The following SLC25A48 variants were observed in gnomAD, a reference collection of about 807,000 sequenced individuals.
SLC25A48 encodes solute carrier family 25 member 48, also known as CTC-321K16.1.
Under a neutral mutation model 32.2 loss-of-function variants are expected in SLC25A48, and 29 were observed. That is an observed-to-expected ratio of 0.90 (90% CI 0.67 to 1.23). SLC25A48 has a LOEUF of 1.23. Among genes scored for constraint, SLC25A48 ranks in the 50% most tolerant of loss-of-function variants. SLC25A48 has a pLI of 0.00. For missense variants in SLC25A48, 399 were observed against 422.7 expected (o/e 0.94, Z 0.49); for synonymous variants, 164 against 172.3 (o/e 0.95, Z 0.38).
chr5:135,596,826 A>C (rs1374268885), intron 1 of SLC25A48, among the ~76,000 whole-genome samples: 2 of 152,202 alleles, frequency 1.3e-5, no homozygotes, highest in Non-Finnish European at 2.9e-5. Flanking sequence ...GGTAGCCTCC[A>C]AATGACCACG....
rs539092159 is a variant in SLC25A48, at chr5:135,795,671, G to T, written c.-520-16852G>T. Among the ~76,000 whole-genome samples, 10 of 151,804 alleles carry T rather than the reference G, an allele frequency of 6.6e-5. No individual in the cohort carries two copies. The South Asian group carries it at 2.1e-3, about 32-fold the overall frequency. On this transcript the variant is annotated intron_variant, in intron 3 of 10. Coordinates refer to the SLC25A48 transcript ENST00000646290. ...TGTGATATGGTTCATAATATTCAGG[G>T]GGGTAGAGGGTGATATTACTCCCCA...
At chr5:135,779,726 A>G (rs1485009860) in intron 3 of SLC25A48, among the ~76,000 whole-genome samples, 1 of 117,596 alleles carries the variant, frequency 8.5e-6, no homozygotes, top group African/African-American at 2.6e-5. Context: ...AATAATATTA[A>G]TCCCAATATC....
intron 3 of SLC25A48, among the ~76,000 whole-genome samples, chr5:135,793,811 G>A (rs563836900): frequency 6.6e-6 from 1 of 150,946 alleles, no homozygotes; most frequent in South Asian, 2.1e-4. Context: ...TATCACAGTA[G>A]GTTTACGCCA....
At chr5:135,825,113 C>T (rs755953665) in intron 4 of SLC25A48, 7 of 152,214 alleles carry the variant, frequency 4.6e-5, no homozygotes, top group Non-Finnish European at 8.8e-5. Flanking sequence ...CATACAACCA[C>T]GTACCTAAAG....
At chr5:135,737,305 G>C (rs552049260) in intron 3 of SLC25A48, among the ~76,000 whole-genome samples, 6 of 152,250 alleles carry the variant, frequency 3.9e-5, no homozygotes, top group African/African-American at 1.4e-4. Flanking sequence ...GGTGCTCAGT[G>C]GGGGAGACTT....
chr5:135,698,257 T>C lies in SLC25A48; in HGVS notation c.-521+63301T>C, dbSNP rs139593026. Among the ~76,000 whole-genome samples the C allele has an allele frequency of 3.0e-3, 461 of 152,290 alleles. 3 individuals are homozygous for C. The highest frequency in any genetic ancestry group is 0.027 in the Admixed American group (407 of 15,298). On this transcript the variant is annotated intron_variant, in intron 3 of 10. Transcript: ENST00000646290. ...TTCTCATGGTCACTGTAAGGTCACATTGTGGTGATTTGAGTTGGTAACAAT... is the reference window on the plus strand; with the variant it reads ...TTCTCATGGTCACTGTAAGGTCACACTGTGGTGATTTGAGTTGGTAACAAT...
chr5:135,834,974 C>G (rs1350767694), intron 1 of SLC25A48, 81 bp downstream of exon 1: 1 of 1,482,920 alleles, frequency 6.7e-7, no homozygotes, highest in Admixed American at 2.0e-5. Flanking sequence ...GAAACTTTGC[C>G]TCTGTGCGCT....
intron 3 of SLC25A48, among the ~76,000 whole-genome samples, chr5:135,687,386 A>G (rs1187668741): frequency 6.6e-6 from 1 of 152,214 alleles, no homozygotes; most frequent in Non-Finnish European, 1.5e-5. Context: ...AAAATGCTCC[A>G]TTTATCTGCC....
chr5:135,717,396 A>G (rs1040289409), intron 3 of SLC25A48, among the ~76,000 whole-genome samples: 1 of 152,192 alleles, frequency 6.6e-6, no homozygotes, highest in Non-Finnish European at 1.5e-5. Context: ...CGTCCACCCC[A>G]GAGCAGATGC....
Position 135,834,789 on chromosome 5 carries a change from C to T in SLC25A48, c.-59C>T, listed in dbSNP as rs578255704. ...GCGCGCTCGCGCCCGCGGGCCATGC[C>T]CCACTGACTCTAAGTGGGCACTGCC... On this transcript the variant is annotated 5_prime_UTR_variant, in exon 1 of 8. Coordinates refer to ENST00000681962, the MANE Select transcript of SLC25A48 (RefSeq NM_001349336.2). 169 of 1,513,072 alleles carry T rather than the reference C, an allele frequency of 1.1e-4. 1 individual carries two copies. The East Asian group carries it at 4.0e-3, about 36-fold the overall frequency. 93.7% of individuals were successfully genotyped at this position (1,513,072 alleles called of 1,614,324 possible). A position where few individuals can be genotyped will look rare whatever the true frequency, so the allele number is the denominator to read the frequency against.
At chr5:135,682,858 A>T (rs936137889) in intron 3 of SLC25A48, among the ~76,000 whole-genome samples, 1 of 152,234 alleles carries the variant, frequency 6.6e-6, no homozygotes, top group African/African-American at 2.4e-5. Context: ...AGTTTTTAAA[A>T]TGTAATTCTA....
intron 2 of SLC25A48, among the ~76,000 whole-genome samples, chr5:135,633,177 G>T (rs1044855422): frequency 6.6e-6 from 1 of 152,156 alleles, no homozygotes; most frequent in Non-Finnish European, 1.5e-5. Flanking sequence ...TTGAAAGAAA[G>T]TGGGCTGTAC....
At chr5:135,842,189 G>A (rs569830377) in intron 1 of SLC25A48, among the ~76,000 whole-genome samples, 1 of 152,244 alleles carries the variant, frequency 6.6e-6, no homozygotes, top group Admixed American at 6.5e-5. Flanking sequence ...ATATCCACTT[G>A]TCCCAGTCCC....
rs556190616 is a variant in SLC25A48, at chr5:135,646,725, A to G, written c.-521+11769A>G. On this transcript the variant is annotated intron_variant, in intron 3 of 10. Coordinates refer to the SLC25A48 transcript ENST00000646290. ...TAAGTGAAATATGCCAGGCACAGAAAGACAAACACTACATCATCTCACTGA... is the reference window on the plus strand; with the variant it reads ...TAAGTGAAATATGCCAGGCACAGAAGGACAAACACTACATCATCTCACTGA... 1.3e-4 allele frequency among the ~76,000 whole-genome samples: 20 copies of G among 148,306 alleles called. No homozygotes were observed. In the South Asian group the frequency reaches 4.1e-3, roughly 30 times the overall value.
intron 1 of SLC25A48, among the ~76,000 whole-genome samples, chr5:135,838,457 A>T (rs1463689877): frequency 6.6e-6 from 1 of 152,262 alleles, no homozygotes; most frequent in South Asian, 2.1e-4. Flanking sequence ...TTGCATAAGT[A>T]ACAAGGAGAT....
At chr5:135,819,447 C>T (rs772411176) in intron 4 of SLC25A48, among the ~76,000 whole-genome samples, 19 of 152,150 alleles carry the variant, frequency 1.2e-4, no homozygotes, top group Non-Finnish European at 1.9e-4. Context: ...ACTATTGATT[C>T]GTGCAACAGC....
intron 4 of SLC25A48, among the ~76,000 whole-genome samples, chr5:135,829,165 C>T (rs914181620): frequency 6.6e-6 from 1 of 152,348 alleles, no homozygotes; most frequent in South Asian, 2.1e-4. Context: ...CAAACACTGG[C>T]TCTTCTGTCA....
At chr5:135,604,171 C>A (rs966121602) in intron 1 of SLC25A48, among the ~76,000 whole-genome samples, 1 of 152,286 alleles carries the variant, frequency 6.6e-6, no homozygotes, top group South Asian at 2.1e-4. Flanking sequence ...AGAGTCAACC[C>A]CAGCCCGTCT....
chr5:135,775,658 G>A (rs544249986), intron 3 of SLC25A48, among the ~76,000 whole-genome samples: 1 of 151,720 alleles, frequency 6.6e-6, no homozygotes, highest in South Asian at 2.1e-4. Context: ...CAGAAGGGGA[G>A]AGGATGCTAT....
Sources: gnomAD v4.1 joint callset for allele counts (sites outside exome capture counted in the v4.1 genomes callset) on GRCh38, gnomAD v4.1.1 for gene constraint, MANE v1.5 for transcripts, NCBI Gene and HGNC (gene_info 2026-07-23, HGNC 2026-07-21) for gene names.